TTC29: variants seen among roughly 807,000 people sequenced by gnomAD.
TTC29 encodes the protein tetratricopeptide repeat protein 29.
TTC29 carries 49 observed loss-of-function variants against 58.1 expected under a neutral mutation model. That is an observed-to-expected ratio of 0.84 (90% CI 0.67 to 1.07). The LOEUF (loss-of-function observed/expected upper bound fraction) is 1.07, where lower values mean the gene tolerates loss of function less well. Ranked by LOEUF, TTC29 falls within the 50% of genes least tolerant of loss-of-function variation. The pLI is 0.00. For synonymous variants in TTC29, 209 were observed against 196.8 expected (o/e 1.06, Z -0.52); for missense variants, 582 against 555.6 (o/e 1.05, Z -0.48).
At chr4:146,880,233 G>C (rs150939145) in intron 6 of TTC29, among the ~76,000 whole-genome samples, 1 of 152,122 alleles carries the variant, frequency 6.6e-6, no homozygotes, top group African/African-American at 2.4e-5. Flanking sequence ...TCAAACAAGA[G>C]TATCCAGGTA....
chr4:146,840,413 T>C (rs1017761649), intron 8 of TTC29, among the ~76,000 whole-genome samples: 3 of 152,082 alleles, frequency 2.0e-5, no homozygotes, highest in African/African-American at 7.2e-5. Context: ...GTATATTCCA[T>C]TAGATGTGGC....
chr4:146,904,178 T>C (rs1200629694), intron 5 of TTC29, among the ~76,000 whole-genome samples: 2 of 152,126 alleles, frequency 1.3e-5, no homozygotes, highest in Non-Finnish European at 2.9e-5. Flanking sequence ...GAGAGCAAAA[T>C]GGATATGAAA....
Position 146,839,535 on chromosome 4 carries a change from CGTGTGTGTGTGTGTGTGT to C in TTC29, c.886-5656_886-5639del, listed in dbSNP as rs5862775. 4.3e-3 allele frequency among the ~76,000 whole-genome samples: 601 copies of C among 140,560 alleles called. 2 individuals are homozygous for C. The highest frequency in any genetic ancestry group is 6.3e-3 in the Non-Finnish European group (407 of 64,192). 92.2% of individuals were successfully genotyped at this position (140,560 alleles called of 152,430 possible). On this transcript the variant is annotated intron_variant, in intron 8 of 12. Coordinates refer to ENST00000325106, the MANE Select transcript of TTC29 (RefSeq NM_031956.4). Reference sequence around the variant, plus strand: ...AGATTTCACCAGTTTTACATGAACTCGTGTGTGTGTGTGTGTGTGTGTGTGTGTGTGTGTGTGTAAGTT... The same window carrying C: ...AGATTTCACCAGTTTTACATGAACTCGTGTGTGTGTGTGTGTGTGTAAGTT...
chr4:146,819,911 C>T (rs752691783), intron 10 of TTC29, among the ~76,000 whole-genome samples: 31 of 152,118 alleles, frequency 2.0e-4, no homozygotes, highest in Non-Finnish European at 1.0e-4. Flanking sequence ...GGACTGTCCC[C>T]GCATGGCCCT....
intron 9 of TTC29, among the ~76,000 whole-genome samples, chr4:146,822,441 T>C (rs1292952012): frequency 6.6e-6 from 1 of 152,230 alleles, no homozygotes; most frequent in African/African-American, 2.4e-5. Context: ...CTGCATAGTA[T>C]TCCATGGTGT....
chr4:146,818,077 A>G (rs1226238606), intron 10 of TTC29, among the ~76,000 whole-genome samples: 1 of 152,232 alleles, frequency 6.6e-6, no homozygotes, highest in East Asian at 1.9e-4. Flanking sequence ...GCCAAAATTG[A>G]CAAATGGGAT....
intron 11 of TTC29, among the ~76,000 whole-genome samples, chr4:146,728,348 A>G (rs1351039500): frequency 6.6e-6 from 1 of 151,956 alleles, no homozygotes; most frequent in Non-Finnish European, 1.5e-5. Context: ...CCAGTCACTC[A>G]GTGTTCTGTT....
intron 5 of TTC29, among the ~76,000 whole-genome samples, chr4:146,904,633 A>G (rs1328981031): frequency 6.6e-6 from 1 of 152,194 alleles, no homozygotes; most frequent in Non-Finnish European, 1.5e-5. Context: ...TTTATGCTGA[A>G]ATCATAGTTG....
chr4:146,898,033 A>T (rs546553096), intron 6 of TTC29, among the ~76,000 whole-genome samples: 1 of 152,322 alleles, frequency 6.6e-6, no homozygotes, highest in Admixed American at 6.5e-5. Context: ...TAAAGATGGG[A>T]TGGATACTGT....
At chr4:146,942,569 C>T (rs1371055607) in intron 2 of TTC29, 7 of 1,522,940 alleles carry the variant, frequency 4.6e-6, no homozygotes, top group South Asian at 1.2e-5. Flanking sequence ...CCAAACGGGC[C>T]TCCCAAGAGC....
chr4:146,758,246 G>T (rs1456674941), intron 11 of TTC29, among the ~76,000 whole-genome samples: 1 of 152,066 alleles, frequency 6.6e-6, no homozygotes, highest in Admixed American at 6.6e-5. Flanking sequence ...GATGAAGAGG[G>T]ACATTATATA....
chr4:146,942,865 C>T (rs974358147), intron 2 of TTC29: 15 of 380,202 alleles, frequency 3.9e-5, no homozygotes, highest in Non-Finnish European at 6.1e-5. Context: ...AAGAGTTCAC[C>T]CAGGAGCTTC....
At chr4:146,754,839 T>C (rs1171729378) in intron 11 of TTC29, among the ~76,000 whole-genome samples, 1 of 152,144 alleles carries the variant, frequency 6.6e-6, no homozygotes, top group Middle Eastern at 3.4e-3. Context: ...TAAGATCTAG[T>C]ATCAGGCAAG....
intron 11 of TTC29, among the ~76,000 whole-genome samples, chr4:146,785,315 C>T (rs1182534810): frequency 6.6e-6 from 1 of 151,674 alleles, no homozygotes; most frequent in African/African-American, 2.4e-5. Context: ...GCCTCAGCCT[C>T]TAATTTTTAA....
chr4:146,790,466 C>T (rs1031559146), intron 11 of TTC29, among the ~76,000 whole-genome samples: 3 of 152,020 alleles, frequency 2.0e-5, no homozygotes, highest in East Asian at 1.9e-4. Flanking sequence ...AGATTACAGG[C>T]GTGAGCCACT....
chr4:146,898,022 C>T, intron 6 of TTC29, among the ~76,000 whole-genome samples: 1 of 152,026 alleles, frequency 6.6e-6, no homozygotes, highest in Non-Finnish European at 1.5e-5. Context: ...AAATAAGTTG[C>T]TAAAGATGGG....
intron 11 of TTC29, among the ~76,000 whole-genome samples, chr4:146,790,132 CA>C (rs1448906647): frequency 1.3e-5 from 2 of 152,092 alleles, no homozygotes; most frequent in Non-Finnish European, 1.5e-5. Context: ...TCAGACTCCT[CA>C]AAACCTTCTA....
intron 2 of TTC29, among the ~76,000 whole-genome samples, chr4:146,940,695 C>T (rs1255440091): frequency 2.0e-5 from 3 of 152,182 alleles, no homozygotes; most frequent in African/African-American, 7.2e-5. Flanking sequence ...GGGCTATCTG[C>T]CAGAACTCAC....
At chr4:146,818,286 C>T (rs1751563195) in intron 10 of TTC29, among the ~76,000 whole-genome samples, 1 of 152,194 alleles carries the variant, frequency 6.6e-6, no homozygotes, top group African/African-American at 2.4e-5. Flanking sequence ...TATGAACAGA[C>T]ACTTCTCAAA....
Sources: gnomAD v4.1 joint callset for allele counts (sites outside exome capture counted in the v4.1 genomes callset) on GRCh38, gnomAD v4.1.1 for gene constraint, MANE v1.5 for transcripts, NCBI Gene and HGNC (gene_info 2026-07-23, HGNC 2026-07-21) for gene names.